Variants in GPC1 observed in about 807,000 individuals in gnomAD.
GPC1 encodes the protein glypican-1.
In GPC1, 26 loss-of-function variants were observed where a neutral mutation model predicts 51.5. The observed-to-expected ratio is 0.50, with a 90% CI of 0.37 to 0.70. The LOEUF is 0.70. GPC1 is among the 30% of genes least tolerant of loss of function. The pLI is 0.00. For synonymous variants in GPC1, 380 were observed against 348.3 expected, an observed-to-expected ratio of 1.09 and a Z score of -1.01; for missense variants, 775 against 800.5, an observed-to-expected ratio of 0.97 and a Z score of 0.38.
At chr2:240,457,698 G>A (rs895246170) in intron 1 of GPC1, among the ~76,000 whole-genome samples, 2 of 152,136 alleles carry the variant, frequency 1.3e-5, no homozygotes, top group Admixed American at 6.5e-5. Context: ...GCCTCTGCCC[G>A]GGCTGACCCC....
At position 240,464,875 on chromosome 2, in the gene GPC1, A is replaced by G; in HGVS notation, c.1034A>G (p.Asn345Ser). Residue 345 changes from asparagine (N) to serine (S), a missense_variant, in exon 6 of 9, where the codon AAC (asparagine) becomes AGC (serine). Physicochemically the swap from Asn to Ser is conservative, Grantham distance 46 (BLOSUM62 1). Transcript: ENST00000264039. ...LTAKVIQGCG[N>S]PKVNPQGPGP... The stretch of plus-strand genomic sequence containing the variant: ...CTCCAGGTCATCCAGGGCTGCGGGA[A>G]CCCCAAGGTCAACCCCCAGGGCCCC... 1.9e-6 allele frequency: 3 copies of G among 1,554,500 alleles called. No homozygotes were observed. Among genetic ancestry groups the G allele is most frequent in the Non-Finnish European group, 2.6e-6 (3 of 1,148,646 alleles).
chr2:240,461,796 G>A (rs1559201981), intron 2 of GPC1, among the ~76,000 whole-genome samples: 1 of 152,052 alleles, frequency 6.6e-6, no homozygotes. Flanking sequence ...GCGGCTGGCA[G>A]GGGGGCACAG....
rs1266275700 is a variant in GPC1, at chr2:240,464,940, C to T, written c.1099C>T (p.Arg367Trp). 24 of 1,551,672 alleles carry T rather than the reference C, an allele frequency of 1.5e-5. No homozygotes were observed. Among genetic ancestry groups the T allele is most frequent in the Admixed American group, 3.9e-5 (2 of 51,156 alleles). Residue 367 changes from arginine to tryptophan, a missense_variant, in exon 6 of 9, where the codon CGG (arginine) becomes TGG (tryptophan). Transcript: ENST00000264039. ...GCGGCGCCGGGGCAAGCTGGCCCCG[C>T]GGGAGAGGCCACCTTCAGGCACGCT... ...EKRRRGKLAP[R>W]ERPPSGTLEK...
rs1420174390 is a variant in GPC1 at position 240,458,039 on chromosome 2, C to T, written c.167-991C>T. The T allele has an allele frequency of 1.7e-5, 8 of 470,762 alleles. No homozygotes were observed. In the East Asian group the frequency reaches 4.2e-4, roughly 25 times the overall value. The allele number at this position is 470,762 out of a possible 1,614,324, so 29.2% of individuals were successfully genotyped here. ...AGGCCCAGAAGGAACAGTGTGGCCC[C>T]GTCAGTGTGGAGTCCTGAGCTTAGG... is the stretch of plus-strand genomic sequence containing the variant. On this transcript the variant is annotated intron_variant, in intron 1 of 8. Transcript: ENST00000264039.
At chr2:240,443,149 T>C (rs1405183163) in intron 1 of GPC1, among the ~76,000 whole-genome samples, 1 of 152,194 alleles carries the variant, frequency 6.6e-6, no homozygotes, top group East Asian at 1.9e-4. Context: ...GTCACAGAAC[T>C]GGGGTGGGGG....
chr2:240,464,782 G>A, intron 5 of GPC1, 36 bp downstream of exon 5: 1 of 1,582,590 alleles, frequency 6.3e-7, no homozygotes, highest in Non-Finnish European at 8.6e-7. Flanking sequence ...ACAGCGGGGT[G>A]GGGGTCCTGG....
At position 240,435,781 on chromosome 2, in the gene GPC1, C is replaced by T; in HGVS notation, c.-138C>T. The stretch of plus-strand genomic sequence containing the variant: ...CCGGCTTTTGTTGTCTCCGCCTCCT[C>T]GGCCGCCGCCGCCTCTGGACCGCGA... On this transcript the variant is annotated 5_prime_UTR_variant, in exon 1 of 9. Coordinates refer to ENST00000264039, the MANE Select transcript of GPC1 (RefSeq NM_002081.3). The T allele has an allele frequency of 6.2e-6, 3 of 485,748 alleles. No homozygotes were observed. Among genetic ancestry groups the T allele is most frequent in the Non-Finnish European group, 9.3e-6 (3 of 323,544 alleles). The allele number at this position is 485,748 out of a possible 1,614,324, so 30.1% of individuals were successfully genotyped here. A position where few individuals can be genotyped will look rare whatever the true frequency, so the allele number is the denominator to read the frequency against.
At chr2:240,461,385 C>T (rs886258444) in intron 2 of GPC1, among the ~76,000 whole-genome samples, 15 of 152,224 alleles carry the variant, frequency 9.9e-5, no homozygotes, top group African/African-American at 3.1e-4. Context: ...GGGGCAAAGC[C>T]GGCCACAGCC....
intron 4 of GPC1, chr2:240,464,394 GTGCCCGT>G: frequency 3.5e-6 from 2 of 563,858 alleles, no homozygotes; most frequent in Non-Finnish European, 6.4e-6. Context: ...GTGTTCACCT[GTGCCCGT>G]GGCACAGGTG....
chr2:240,445,496 G>T (rs1328755470), intron 1 of GPC1, among the ~76,000 whole-genome samples: 2 of 152,248 alleles, frequency 1.3e-5, no homozygotes, highest in Admixed American at 6.5e-5. Context: ...AACCACGCCA[G>T]GGGAAGAGGG....
At position 240,465,617 on chromosome 2, in the gene GPC1, C is replaced by A; in HGVS notation, c.1413C>A (p.Tyr471Ter). 6.2e-7 allele frequency: 1 copy of A among 1,612,948 alleles called. No homozygotes were observed. Among genetic ancestry groups the A allele is most frequent in the Non-Finnish European group, 8.5e-7 (1 of 1,179,954 alleles). Residue 471 changes from tyrosine to a stop codon, truncating the protein, a stop_gained, in exon 8 of 9, where the codon TAC (tyrosine) becomes TAA (stop). Coordinates refer to ENST00000264039, the MANE Select transcript of GPC1 (RefSeq NM_002081.3). LOFTEE classifies it low-confidence loss of function (END_TRUNC). Reference sequence around the variant, plus strand: ...TGACCAACCGGCTGCGCAGCGCCTACAACGGCAACGACGTGGACTTCCAGG... The same window carrying A: ...TGACCAACCGGCTGCGCAGCGCCTAAAACGGCAACGACGTGGACTTCCAGG... ...KIMTNRLRSA[Y>*]NGNDVDFQDA...
rs905649996 is a variant in GPC1 at position 240,467,874 on chromosome 2, C to G, written c.*1584C>G. ...TGCCGGGCGCCAGGACAGCAGCACT[C>G]CCGCTGCACACAGACGGCCTAGGGG... On this transcript the variant is annotated 3_prime_UTR_variant, in exon 9 of 9. Coordinates refer to ENST00000264039, the MANE Select transcript of GPC1 (RefSeq NM_002081.3). 4 of 152,274 alleles carry G rather than the reference C, an allele frequency of 2.6e-5. No homozygotes were observed. Among genetic ancestry groups the G allele is most frequent in the Non-Finnish European group, 5.9e-5 (4 of 68,116 alleles). 9.4% of individuals were successfully genotyped at this position (152,274 alleles called of 1,614,324 possible).
chr2:240,460,257 C>T (rs1340465004), intron 2 of GPC1, among the ~76,000 whole-genome samples: 1 of 152,116 alleles, frequency 6.6e-6, no homozygotes, highest in Non-Finnish European at 1.5e-5. Flanking sequence ...GCCCTCCCCG[C>T]TGGTGTGGGG....
intron 1 of GPC1, chr2:240,450,964 G>T (rs1421983831): frequency 5.0e-6 from 2 of 403,944 alleles, no homozygotes; most frequent in Non-Finnish European, 1.0e-5. Flanking sequence ...GGAGGGAAGT[G>T]GCAGGTCACA....
At chr2:240,454,019 C>A (rs2074132048) in intron 1 of GPC1, among the ~76,000 whole-genome samples, 3 of 143,790 alleles carry the variant, frequency 2.1e-5, no homozygotes, top group Admixed American at 1.4e-4. Context: ...TCTGCGGCGG[C>A]GGAGGGGCTC....
At position 240,451,070 on chromosome 2, in the gene GPC1, G is replaced by A. The variant is rs150042448; in HGVS notation, c.167-7960G>A. 1.3e-3 allele frequency: 620 copies of A among 466,298 alleles called. 8 individuals carry two copies. The highest frequency in any genetic ancestry group is 0.012 in the East Asian group (172 of 14,272). The allele number at this position is 466,298 out of a possible 1,614,324, so 28.9% of individuals were successfully genotyped here. A position where few individuals can be genotyped will look rare whatever the true frequency, so the allele number is the denominator to read the frequency against. ...ACCATGACCACAGAGATGGCTTCTC[G>A]GGAAGTGGTTGGGTCGGAGGTGAGC... On this transcript the variant is annotated intron_variant, in intron 1 of 8. Transcript: ENST00000264039.
chr2:240,464,826 C>G, intron 5 of GPC1, 30 bp from the exon 6 acceptor site: 1 of 1,562,874 alleles, frequency 6.4e-7, no homozygotes, highest in Non-Finnish European at 8.7e-7. Flanking sequence ...GGCCCCACTA[C>G]CCCCCAAGGA....
At chr2:240,455,247 C>A (rs1012680204) in intron 1 of GPC1, among the ~76,000 whole-genome samples, 8 of 152,184 alleles carry the variant, frequency 5.3e-5, no homozygotes, top group Non-Finnish European at 8.8e-5. Context: ...CCTTCCCCCC[C>A]AAAAAAATCC....
rs1047318500 is a variant in GPC1 at position 240,463,291 on chromosome 2, C to T, written c.718-56C>T. ...CCCTGGGGCTTCGTTAGGGGCTGGC[C>T]GGGGCCAGGCACCCCCAGGGCCTCG... is the stretch of plus-strand genomic sequence containing the variant. On this transcript the variant is annotated intron_variant, in intron 3 of 8. Transcript: ENST00000264039. 16 of 1,528,380 alleles carry T rather than the reference C, an allele frequency of 1.0e-5. No individual in the cohort carries two copies. In the Middle Eastern group the frequency reaches 6.3e-4, roughly 60 times the overall value. 94.7% of individuals were successfully genotyped at this position (1,528,380 alleles called of 1,614,324 possible).
Sources: gnomAD v4.1 joint callset for allele counts (sites outside exome capture counted in the v4.1 genomes callset) on GRCh38, gnomAD v4.1.1 for gene constraint, MANE v1.5 for transcripts, NCBI Gene and HGNC (gene_info 2026-07-23, HGNC 2026-07-21) for gene names.